Variants in LMLN observed in about 807,000 individuals in gnomAD.
LMLN encodes the protein leishmanolysin-like peptidase.
Under a neutral mutation model 92.3 loss-of-function variants are expected in LMLN, and 70 were observed. The ratio of observed to expected loss-of-function variants is 0.76; its 90% confidence interval spans 0.63 to 0.92. The LOEUF (loss-of-function observed/expected upper bound fraction) is 0.92, where lower values mean the gene tolerates loss of function less well. Among genes scored for constraint, LMLN ranks in the 40% least tolerant of loss-of-function variants. The pLI, the probability that LMLN is intolerant of heterozygous loss-of-function variation, is 0.00. For missense variants in LMLN, 691 were observed against 814.6 expected (o/e 0.85, Z 1.85); for synonymous variants, 308 against 296.2 (o/e 1.04, Z -0.41).
At chr3:197,976,750 C>A in intron 5 of LMLN, 35 bp downstream of exon 5, 4 of 1,081,962 alleles carry the variant, frequency 3.7e-6, no homozygotes, top group South Asian at 1.9e-5. Flanking sequence ...GCTTTTACAC[C>A]TGAGGAGATT....
chr3:197,972,256 G>A (rs1190004313), intron 1 of LMLN, among the ~76,000 whole-genome samples: 1 of 151,866 alleles, frequency 6.6e-6, no homozygotes, highest in Non-Finnish European at 1.5e-5. Flanking sequence ...TGGAGACAGG[G>A]TCTCACCATG....
intron 11 of LMLN, among the ~76,000 whole-genome samples, chr3:198,003,433 T>C (rs1244520149): frequency 6.6e-6 from 1 of 152,220 alleles, no homozygotes; most frequent in Non-Finnish European, 1.5e-5. Flanking sequence ...TTGTGGTGTT[T>C]TCTTCAGAGA....
Position 197,996,991 on chromosome 3 carries a change from G to GT in LMLN, c.1155+717dup, listed in dbSNP as rs148627829. On this transcript the variant is annotated intron_variant, in intron 10 of 15. Coordinates refer to ENST00000330198, the Ensembl canonical transcript of LMLN. The stretch of plus-strand genomic sequence containing the variant: ...GTTCGTTTGTTCGTTCTTTTCTTTT[G>GT]TTTTTTTTCTTTTCTTTTCTTTTCC... 4.0e-3 allele frequency among the ~76,000 whole-genome samples: 602 copies of GT among 150,088 alleles called. 4 individuals carry two copies. The highest frequency in any genetic ancestry group is 0.014 in the African/African-American group (556 of 40,608).
At chr3:198,005,221 G>A (rs1348496199) in intron 11 of LMLN, among the ~76,000 whole-genome samples, 3 of 64,942 alleles carry the variant, frequency 4.6e-5, no homozygotes, top group African/African-American at 1.3e-4. Context: ...CATATCATAC[G>A]TAGTAAGTTT....
chr3:198,032,080 C>T lies in LMLN; in HGVS notation c.1657-3753C>T, dbSNP rs1358522372. Among the ~76,000 whole-genome samples, 11 of 145,252 alleles carry T rather than the reference C, an allele frequency of 7.6e-5. No homozygotes were observed. The East Asian group carries it at 1.4e-3, about 18-fold the overall frequency. Reference sequence around the variant, plus strand: ...TGACACTATTGTACCACAGCCTGGGCGACAGAGTGAGACTCTGACTCAAAA... The same window carrying T: ...TGACACTATTGTACCACAGCCTGGGTGACAGAGTGAGACTCTGACTCAAAA... On this transcript the variant is annotated intron_variant, in intron 14 of 15. Transcript: ENST00000330198.
chr3:197,975,034 AT>A lies in LMLN; in HGVS notation c.318-4del. 1 of 1,472,804 alleles carries A rather than the reference AT, an allele frequency of 6.8e-7. No individual in the cohort carries two copies. Among genetic ancestry groups the A allele is most frequent in the Non-Finnish European group, 9.5e-7 (1 of 1,057,410 alleles). 91.2% of individuals were successfully genotyped at this position (1,472,804 alleles called of 1,614,324 possible). ...ATAATCCTTATGTTTTTATGTCATTATTTTCAGGTTGCTCCCTGAGAAAAAG... is the reference window on the plus strand; with the variant it reads ...ATAATCCTTATGTTTTTATGTCATTATTTCAGGTTGCTCCCTGAGAAAAAG... On this transcript the variant is annotated splice_region_variant and splice_polypyrimidine_tract_variant and intron_variant, in intron 2 of 15. Coordinates refer to ENST00000330198, the Ensembl canonical transcript of LMLN.
chr3:197,989,324 G>A (rs1467361128), intron 8 of LMLN, among the ~76,000 whole-genome samples: 2 of 152,128 alleles, frequency 1.3e-5, no homozygotes, highest in Admixed American at 6.5e-5. Context: ...ACCAAGTTGG[G>A]TGGTTTTTTT....
chr3:197,980,518 C>T lies in LMLN; in HGVS notation c.728+14C>T, dbSNP rs767618413. ...AAACATGGACAGGTAATCTTTCCTC[C>T]GGGACTTAGTTTCCAAGATCTAATG... On this transcript the variant is annotated intron_variant, in intron 6 of 15. Transcript: ENST00000330198. 1.0e-4 allele frequency: 168 copies of T among 1,604,336 alleles called. No homozygotes were observed. Among genetic ancestry groups the T allele is most frequent in the Admixed American group, 1.7e-4 (10 of 58,756 alleles).
intron 11 of LMLN, among the ~76,000 whole-genome samples, chr3:198,015,733 C>A (rs1294720889): frequency 3.9e-5 from 6 of 152,116 alleles, no homozygotes; most frequent in Non-Finnish European, 5.9e-5. Flanking sequence ...CCTTCAGAGT[C>A]CCCTAACTAG....
intron 8 of LMLN, among the ~76,000 whole-genome samples, chr3:197,987,394 C>T (rs1198567066): frequency 2.0e-5 from 3 of 148,818 alleles, no homozygotes; most frequent in Non-Finnish European, 1.5e-5. Flanking sequence ...CTGCTGACCT[C>T]GTGATCCACC....
rs539950127 is a variant in LMLN at position 197,964,629 on chromosome 3, C to T, written c.219+4189C>T. 3.3e-5 allele frequency among the ~76,000 whole-genome samples: 5 copies of T among 151,924 alleles called. No homozygotes were observed. In the South Asian group the frequency reaches 1.0e-3, roughly 32 times the overall value. On this transcript the variant is annotated intron_variant, in intron 1 of 15. Coordinates refer to ENST00000330198, the Ensembl canonical transcript of LMLN. ...GGCCAGGATGGTTTTGATCTCTTGA[C>T]CTTGTAATCTGCCTGCCCTGGCCTC... is the stretch of plus-strand genomic sequence containing the variant.
At chr3:197,960,499 G>T (rs113924962) in intron 1 of LMLN, 59 bp downstream of exon 1, 154 of 1,498,082 alleles carry the variant, frequency 1.0e-4, no homozygotes, top group Non-Finnish European at 2.6e-5. Context: ...GAAGGAGCAG[G>T]CGTAGGAGAT....
At chr3:198,014,599 G>A (rs1218479076) in intron 11 of LMLN, among the ~76,000 whole-genome samples, 1 of 78,902 alleles carries the variant, frequency 1.3e-5, no homozygotes. Flanking sequence ...TAACTAGTCT[G>A]ACTTCTCTCC....
At chr3:198,043,555 TA>T (rs1421108989) in exon 16 of LMLN, 5 of 152,650 alleles carry the variant, frequency 3.3e-5, no homozygotes, top group South Asian at 2.1e-4. Context: ...AGAGGAGTAA[TA>T]TTTTTTTAAT....
intron 11 of LMLN, among the ~76,000 whole-genome samples, chr3:198,010,958 T>C (rs938571610): frequency 1.3e-5 from 2 of 152,176 alleles, no homozygotes; most frequent in Admixed American, 1.3e-4. Flanking sequence ...CCATCGATTA[T>C]TTAGAAGTGT....
chr3:197,971,391 A>G (rs184241908), intron 1 of LMLN, among the ~76,000 whole-genome samples: 108 of 152,326 alleles, frequency 7.1e-4, no homozygotes, highest in African/African-American at 2.4e-3. Flanking sequence ...ACTCACTATC[A>G]TGAGAACAGC....
intron 4 of LMLN, 73 bp downstream of exon 4, chr3:197,976,184 C>T: frequency 1.1e-6 from 1 of 889,586 alleles, no homozygotes; most frequent in Non-Finnish European, 1.8e-6. Flanking sequence ...ATGAACATGG[C>T]AAGGTATGAA....
At chr3:197,988,409 T>A (rs1436049887) in intron 8 of LMLN, among the ~76,000 whole-genome samples, 2 of 151,886 alleles carry the variant, frequency 1.3e-5, no homozygotes, top group Non-Finnish European at 2.9e-5. Flanking sequence ...TTTTTTGATT[T>A]ATGTATTTTG....
chr3:198,016,994 T>A (rs1325690024), intron 11 of LMLN, among the ~76,000 whole-genome samples: 1 of 152,170 alleles, frequency 6.6e-6, no homozygotes, highest in East Asian at 1.9e-4. Context: ...TGGTGGCACA[T>A]GCTTGTAGTC....
Sources: gnomAD v4.1 joint callset for allele counts (sites outside exome capture counted in the v4.1 genomes callset) on GRCh38, gnomAD v4.1.1 for gene constraint, MANE v1.5 for transcripts, NCBI Gene and HGNC (gene_info 2026-07-23, HGNC 2026-07-21) for gene names.